Variants in ZMAT4 observed in about 807,000 individuals in gnomAD.
ZMAT4 encodes zinc finger matrin-type protein 4.
Under a neutral mutation model 28.7 loss-of-function variants are expected in ZMAT4, and 17 were observed. That is an observed-to-expected ratio of 0.59 (90% CI 0.41 to 0.89). The LOEUF is 0.89. Ranked by LOEUF, ZMAT4 falls within the 40% of genes least tolerant of loss-of-function variation. The pLI is 0.00. For synonymous variants in ZMAT4, 117 were observed against 109.2 expected (o/e 1.07, Z -0.44); for missense variants, 240 against 283.8 (o/e 0.85, Z 1.11).
At chr8:40,710,944 AT>A (rs1810589300) in intron 3 of ZMAT4, among the ~76,000 whole-genome samples, 1 of 151,782 alleles carries the variant, frequency 6.6e-6, no homozygotes, top group South Asian at 2.1e-4. Context: ...CCACACCCAG[AT>A]AAATTTTTTT....
At chr8:40,667,948 C>G (rs368615839) in intron 5 of ZMAT4, among the ~76,000 whole-genome samples, 1 of 151,898 alleles carries the variant, frequency 6.6e-6, no homozygotes, top group African/African-American at 2.4e-5. Context: ...ATACTTTTGC[C>G]CTCATATTGA....
intron 5 of ZMAT4, among the ~76,000 whole-genome samples, chr8:40,662,178 A>C (rs1808230076): frequency 6.6e-6 from 1 of 151,726 alleles, no homozygotes; most frequent in Non-Finnish European, 1.5e-5. Context: ...ATGGGGCTTT[A>C]CTATGTTGCC....
chr8:40,740,014 G>A (rs963036390), intron 3 of ZMAT4, among the ~76,000 whole-genome samples: 19 of 152,068 alleles, frequency 1.2e-4, no homozygotes, highest in Admixed American at 1.2e-3. Flanking sequence ...TGGTGTATAT[G>A]TTGCCACATT....
chr8:40,875,612 G>A (rs1019650615), intron 1 of ZMAT4, among the ~76,000 whole-genome samples: 13 of 152,126 alleles, frequency 8.5e-5, no homozygotes, highest in African/African-American at 3.1e-4. Context: ...ATCTTCATGG[G>A]CCATGGGGGT....
chr8:40,691,018 G>T, intron 4 of ZMAT4: 2 of 728,004 alleles, frequency 2.7e-6, no homozygotes, highest in Non-Finnish European at 3.4e-6. Context: ...CTTAGTGAGA[G>T]CCTTGGATTT....
At chr8:40,691,543 G>T (rs779941572) in intron 4 of ZMAT4, among the ~76,000 whole-genome samples, 1 of 152,034 alleles carries the variant, frequency 6.6e-6, no homozygotes, top group Non-Finnish European at 1.5e-5. Context: ...CACATGTCTG[G>T]GAATAACCCC....
In ZMAT4 at chr8:40,715,549, C is replaced by T. The variant is rs146628709; in HGVS notation, c.193-18148G>A. Among the ~76,000 whole-genome samples the T allele has an allele frequency of 1.8e-3, 278 of 152,124 alleles. 5 individuals are homozygous for T. Among genetic ancestry groups the T allele is most frequent in the African/African-American group, 6.3e-3 (260 of 41,480 alleles). ...TCCTTTATGAATTGTCTAAACATTC[C>T]ACAGTAGGTGATACTTTTTTACTTT... is the stretch of plus-strand genomic sequence containing the variant. On this transcript the variant is annotated intron_variant, in intron 3 of 6. Transcript: ENST00000297737.
intron 1 of ZMAT4, among the ~76,000 whole-genome samples, chr8:40,876,705 T>G (rs1468983701): frequency 1.3e-5 from 2 of 152,200 alleles, no homozygotes; most frequent in African/African-American, 4.8e-5. Context: ...ACAAAATATG[T>G]GTGATTTGAC....
At chr8:40,590,670 T>C (rs528524437) in intron 5 of ZMAT4, among the ~76,000 whole-genome samples, 1 of 152,064 alleles carries the variant, frequency 6.6e-6, no homozygotes, top group African/African-American at 2.4e-5. Context: ...ACAGATCTTG[T>C]GCACTATTAC....
chr8:40,776,478 C>A (rs932987763), intron 2 of ZMAT4, among the ~76,000 whole-genome samples: 5 of 152,136 alleles, frequency 3.3e-5, no homozygotes, highest in Non-Finnish European at 5.9e-5. Context: ...AATTAAATTA[C>A]CACCAAAGCC....
chr8:40,856,000 A>G (rs1164667436), intron 1 of ZMAT4, among the ~76,000 whole-genome samples: 3 of 151,540 alleles, frequency 2.0e-5, no homozygotes, highest in African/African-American at 7.3e-5. Flanking sequence ...CACCACCACA[A>G]CTTTTTAAAG....
intron 5 of ZMAT4, among the ~76,000 whole-genome samples, chr8:40,630,410 T>G (rs1040105329): frequency 6.6e-6 from 1 of 152,222 alleles, no homozygotes; most frequent in African/African-American, 2.4e-5. Flanking sequence ...ATAGCTGCTA[T>G]CAGTTCCACT....
At chr8:40,797,155 T>C (rs1427396927) in intron 2 of ZMAT4, among the ~76,000 whole-genome samples, 2 of 152,186 alleles carry the variant, frequency 1.3e-5, no homozygotes, top group African/African-American at 4.8e-5. Context: ...TCATTCACTC[T>C]GCAGATCCCA....
At chr8:40,646,032 T>C (rs1186726094) in intron 5 of ZMAT4, among the ~76,000 whole-genome samples, 1 of 152,034 alleles carries the variant, frequency 6.6e-6, no homozygotes, top group African/African-American at 2.4e-5. Context: ...GTGTCTCCAT[T>C]ATAAACTACT....
At chr8:40,820,284 TTATGTGTGTATG>T (rs1815708442) in intron 2 of ZMAT4, among the ~76,000 whole-genome samples, 1 of 146,048 alleles carries the variant, frequency 6.8e-6, no homozygotes, top group African/African-American at 2.5e-5. Context: ...AGATGTGTAT[TTATGTGTGTATG>T]TGTGTGCGGG....
At chr8:40,795,214 A>C (rs980928821) in intron 2 of ZMAT4, among the ~76,000 whole-genome samples, 1 of 152,124 alleles carries the variant, frequency 6.6e-6, no homozygotes, top group Non-Finnish European at 1.5e-5. Flanking sequence ...GCATCCGATC[A>C]TTGCAGCTGA....
At chr8:40,878,730 A>G (rs1818123043) in intron 1 of ZMAT4, among the ~76,000 whole-genome samples, 1 of 152,224 alleles carries the variant, frequency 6.6e-6, no homozygotes, top group South Asian at 2.1e-4. Context: ...CTCGCCACGC[A>G]AGGTGCGGCA....
intron 3 of ZMAT4, among the ~76,000 whole-genome samples, chr8:40,755,937 G>T (rs996094326): frequency 6.6e-6 from 1 of 152,084 alleles, no homozygotes; most frequent in Non-Finnish European, 1.5e-5. Context: ...ATACTAAATC[G>T]CATCTATTGA....
At chr8:40,896,399 CT>C (rs1302998236) in intron 1 of ZMAT4, among the ~76,000 whole-genome samples, 1 of 152,176 alleles carries the variant, frequency 6.6e-6, no homozygotes, top group African/African-American at 2.4e-5. Flanking sequence ...TTCAATGCCC[CT>C]AGGACTTGGA....
Sources: allele counts gnomAD v4.1 joint callset (sites outside exome capture counted in the v4.1 genomes callset), GRCh38; gene constraint gnomAD v4.1.1; transcripts MANE v1.5; gene names NCBI Gene and HGNC (gene_info 2026-07-23, HGNC 2026-07-21).